SPIDR: variants seen among roughly 807,000 people sequenced by gnomAD.
SPIDR encodes scaffold protein involved in DNA repair.
SPIDR carries 93 observed loss-of-function variants against 104.6 expected under a neutral mutation model. That is an observed-to-expected ratio of 0.89 (90% CI 0.75 to 1.06). SPIDR has a LOEUF of 1.06. Ranked by LOEUF, SPIDR falls within the 50% of genes least tolerant of loss-of-function variation. The pLI is 0.00. For synonymous variants in SPIDR, 431 were observed against 416.9 expected (o/e 1.03, Z -0.41); for missense variants, 1,154 against 1,111.2 (o/e 1.04, Z -0.55).
intron 10 of SPIDR, among the ~76,000 whole-genome samples, chr8:47,615,266 T>C (rs1230917906): frequency 1.3e-5 from 2 of 152,078 alleles, no homozygotes; most frequent in Admixed American, 6.6e-5. Context: ...TTTTTTCTTT[T>C]GTTGCTTGTG....
At chr8:47,392,620 T>C (rs1421504306) in intron 5 of SPIDR, among the ~76,000 whole-genome samples, 1 of 152,246 alleles carries the variant, frequency 6.6e-6, no homozygotes, top group Non-Finnish European at 1.5e-5. Context: ...AAGTACTACC[T>C]GAGCTGCTAA....
intron 16 of SPIDR, among the ~76,000 whole-genome samples, chr8:47,720,367 A>T (rs904762869): frequency 6.6e-6 from 1 of 152,230 alleles, no homozygotes; most frequent in Non-Finnish European, 1.5e-5. Context: ...TTGCTGGATC[A>T]TATGTTTAGT....
intron 5 of SPIDR, among the ~76,000 whole-genome samples, chr8:47,312,527 A>G: frequency 6.6e-6 from 1 of 152,118 alleles, no homozygotes; most frequent in Non-Finnish European, 1.5e-5. Context: ...TCTTTTGAGA[A>G]GTGTCTGTTC....
chr8:47,599,274 T>G, intron 10 of SPIDR, 78 bp downstream of exon 10: 1 of 1,552,868 alleles, frequency 6.4e-7, no homozygotes, highest in Non-Finnish European at 8.7e-7. Context: ...GAGCCTCTTC[T>G]CAGAGCACGT....
intron 7 of SPIDR, among the ~76,000 whole-genome samples, chr8:47,430,562 G>A (rs2067182863): frequency 6.6e-6 from 1 of 152,160 alleles, no homozygotes; most frequent in Admixed American, 6.5e-5. Context: ...GATTCAGTGT[G>A]TTGGCCTCAT....
intron 19 of SPIDR, among the ~76,000 whole-genome samples, chr8:47,730,067 A>G (rs973357721): frequency 4.0e-5 from 6 of 151,798 alleles, no homozygotes; most frequent in Non-Finnish European, 7.4e-5. Flanking sequence ...TTGGAGTCCT[A>G]CTGCCAAGGT....
chr8:47,709,559 A>ACCATGCCCG (rs2081558105), intron 14 of SPIDR, among the ~76,000 whole-genome samples: 1 of 152,192 alleles, frequency 6.6e-6, no homozygotes, highest in Non-Finnish European at 1.5e-5. Flanking sequence ...TACAGGCGTG[A>ACCATGCCCG]GCCACCATGC....
intron 10 of SPIDR, among the ~76,000 whole-genome samples, chr8:47,666,033 A>G (rs998575264): frequency 2.0e-5 from 3 of 152,196 alleles, no homozygotes; most frequent in African/African-American, 4.8e-5. Flanking sequence ...TAGTCACTTT[A>G]AAAATTCATC....
At chr8:47,670,076 A>G (rs2075593058) in intron 10 of SPIDR, among the ~76,000 whole-genome samples, 1 of 152,110 alleles carries the variant, frequency 6.6e-6, no homozygotes, top group African/African-American at 2.4e-5. Context: ...ACCAGGCCTT[A>G]ATGTAATCAC....
intron 10 of SPIDR, among the ~76,000 whole-genome samples, chr8:47,635,236 C>T (rs781391482): frequency 6.6e-5 from 10 of 152,116 alleles, no homozygotes; most frequent in African/African-American, 1.4e-4. Context: ...CCCAGCTACT[C>T]GGGAGGCTGA....
At chr8:47,561,037 G>C (rs2057002745) in intron 8 of SPIDR, among the ~76,000 whole-genome samples, 1 of 152,188 alleles carries the variant, frequency 6.6e-6, no homozygotes, top group African/African-American at 2.4e-5. Flanking sequence ...CAAACTTGTG[G>C]TAATAATAGC....
intron 5 of SPIDR, among the ~76,000 whole-genome samples, chr8:47,349,847 G>T (rs782559463): frequency 5.9e-5 from 9 of 152,226 alleles, no homozygotes; most frequent in Non-Finnish European, 1.0e-4. Flanking sequence ...TAGGGCGGGA[G>T]TGTCCCGATT....
chr8:47,685,520 T>TATTTA (rs1563539805), intron 11 of SPIDR, among the ~76,000 whole-genome samples: 1 of 147,732 alleles, frequency 6.8e-6, no homozygotes, highest in Non-Finnish European at 1.5e-5. Flanking sequence ...TTTATTTATT[T>TATTTA]TTTTGAGACA....
At chr8:47,652,643 T>C (rs1445535173) in intron 10 of SPIDR, among the ~76,000 whole-genome samples, 1 of 152,226 alleles carries the variant, frequency 6.6e-6, no homozygotes, top group African/African-American at 2.4e-5. Flanking sequence ...TTCTCAGTGA[T>C]ATTGTTTCTA....
intron 5 of SPIDR, among the ~76,000 whole-genome samples, chr8:47,375,233 C>CT (rs869038432): frequency 0.48 from 25,645 of 53,322 alleles, 12,119 homozygotes; most frequent in Non-Finnish European, 0.69. Flanking sequence ...AGTTAATAGG[C>CT]TTTTTTTTTT....
At chr8:47,503,859 G>T (rs1034144807) in intron 8 of SPIDR, among the ~76,000 whole-genome samples, 7 of 152,132 alleles carry the variant, frequency 4.6e-5, no homozygotes, top group Admixed American at 6.5e-5. Context: ...GCATTTGTTT[G>T]TCTGTAAAGG....
At chr8:47,689,104 G>C (rs1044694937) in intron 11 of SPIDR, among the ~76,000 whole-genome samples, 4 of 152,298 alleles carry the variant, frequency 2.6e-5, no homozygotes, top group Non-Finnish European at 5.9e-5. Flanking sequence ...GTTGTAGGTG[G>C]CTTGTCTTTT....
At position 47,735,461 on chromosome 8, in the gene SPIDR, AG is replaced by A. The variant is rs748514753; in HGVS notation, c.*13del. The stretch of plus-strand genomic sequence containing the variant: ...TCTGCAGAACACTAGCGGTTGCCGC[AG>A]GATCTGTGAACTTTGCAATGTGGCT... On this transcript the variant is annotated 3_prime_UTR_variant, in exon 20 of 20. Transcript: ENST00000297423. 1.7e-4 allele frequency: 267 copies of A among 1,614,060 alleles called. 1 individual carries two copies. The highest frequency in any genetic ancestry group is 2.2e-4 in the Non-Finnish European group (257 of 1,180,046).
chr8:47,733,180 A>G lies in SPIDR; in HGVS notation c.2605-2127A>G, dbSNP rs145822350. ...GTCGGGCAGATCACCTGAGGTCAAGAGTTCCAGACCAGCCTGGCCAACATG... is the reference window on the plus strand; with the variant it reads ...GTCGGGCAGATCACCTGAGGTCAAGGGTTCCAGACCAGCCTGGCCAACATG... On this transcript the variant is annotated intron_variant, in intron 19 of 19. Coordinates refer to ENST00000297423, the MANE Select transcript of SPIDR (RefSeq NM_001080394.4). 5.3e-3 allele frequency among the ~76,000 whole-genome samples: 806 copies of G among 152,332 alleles called. 13 individuals are homozygous for G. The highest frequency in any genetic ancestry group is 0.019 in the African/African-American group (780 of 41,576).
Sources: gnomAD v4.1 joint callset for allele counts (sites outside exome capture counted in the v4.1 genomes callset) on GRCh38, gnomAD v4.1.1 for gene constraint, MANE v1.5 for transcripts, NCBI Gene and HGNC (gene_info 2026-07-23, HGNC 2026-07-21) for gene names.